RBM47: variants seen among roughly 807,000 people sequenced by gnomAD.
RBM47 encodes the protein RNA binding motif protein 47.
RBM47 carries 21 observed loss-of-function variants against 47.1 expected under a neutral mutation model. The observed-to-expected ratio is 0.45, with a 90% CI of 0.32 to 0.64. RBM47 has a LOEUF of 0.64. RBM47 is among the 30% of genes least tolerant of loss of function. The pLI is 0.05. For synonymous variants in RBM47, 375 were observed against 361.7 expected, an observed-to-expected ratio of 1.04 and a Z score of -0.42; for missense variants, 708 against 870.9, an observed-to-expected ratio of 0.81 and a Z score of 2.35.
At chr4:40,566,136 A>C (rs1210121771) in intron 1 of RBM47, among the ~76,000 whole-genome samples, 1 of 152,162 alleles carries the variant, frequency 6.6e-6, no homozygotes, top group Admixed American at 6.6e-5. Context: ...GGGAGAGCCA[A>C]GAGAAAAGAA....
At chr4:40,624,552 G>A (rs545752127) in intron 1 of RBM47, among the ~76,000 whole-genome samples, 1 of 152,182 alleles carries the variant, frequency 6.6e-6, no homozygotes, top group Non-Finnish European at 1.5e-5. Flanking sequence ...GTCTAAAATA[G>A]TAAGATCATC....
chr4:40,614,347 T>C (rs946496119), intron 1 of RBM47, among the ~76,000 whole-genome samples: 4 of 151,988 alleles, frequency 2.6e-5, no homozygotes, highest in African/African-American at 9.7e-5. Flanking sequence ...AAAACATAAG[T>C]CAAAGCCTAG....
intron 2 of RBM47, among the ~76,000 whole-genome samples, chr4:40,513,549 A>G (rs1232109866): frequency 1.3e-5 from 2 of 152,156 alleles, no homozygotes; most frequent in Non-Finnish European, 2.9e-5. Flanking sequence ...TAGCTTTATT[A>G]TATTTTCTAC....
chr4:40,511,779 A>G (rs1043594192), intron 2 of RBM47, among the ~76,000 whole-genome samples: 7 of 152,112 alleles, frequency 4.6e-5, no homozygotes, highest in African/African-American at 1.7e-4. Flanking sequence ...TACTAAAAAT[A>G]CAAAAATTAG....
At chr4:40,608,907 A>C (rs1037086803) in intron 1 of RBM47, among the ~76,000 whole-genome samples, 1 of 152,176 alleles carries the variant, frequency 6.6e-6, no homozygotes, top group Non-Finnish European at 1.5e-5. Context: ...TCCTGCTGTC[A>C]TTGCTGATTT....
intron 1 of RBM47, among the ~76,000 whole-genome samples, chr4:40,615,807 G>A (rs2154280177): frequency 1.3e-5 from 2 of 152,164 alleles, no homozygotes; most frequent in East Asian, 3.9e-4. Context: ...CTAATTAATT[G>A]TGAAAACTTC....
At chr4:40,610,359 A>G (rs1388850244) in intron 1 of RBM47, among the ~76,000 whole-genome samples, 3 of 151,954 alleles carry the variant, frequency 2.0e-5, no homozygotes, top group African/African-American at 4.8e-5. Context: ...GCGGTGGCTC[A>G]TGCCTGTAAT....
At chr4:40,452,232 G>A (rs748899124) in intron 3 of RBM47, among the ~76,000 whole-genome samples, 6 of 152,094 alleles carry the variant, frequency 3.9e-5, no homozygotes. Context: ...AGCAAAGGTG[G>A]GCATTTGCAA....
intron 1 of RBM47, among the ~76,000 whole-genome samples, chr4:40,556,523 C>T (rs1055870184): frequency 6.6e-6 from 1 of 151,962 alleles, no homozygotes; most frequent in Admixed American, 6.6e-5. Context: ...AAAGTAATTG[C>T]AGTTTTTGCT....
chr4:40,461,390 ATATAG>A (rs1432994956), intron 3 of RBM47, among the ~76,000 whole-genome samples: 1 of 152,372 alleles, frequency 6.6e-6, no homozygotes, highest in East Asian at 1.9e-4. Flanking sequence ...TTCAAGGGAA[ATATAG>A]TATACCAGTC....
intron 1 of RBM47, among the ~76,000 whole-genome samples, chr4:40,547,033 GT>G (rs1280108117): frequency 6.6e-6 from 1 of 152,236 alleles, no homozygotes; most frequent in African/African-American, 2.4e-5. Flanking sequence ...GAGATCAGGT[GT>G]TTGAGCAGGT....
chr4:40,604,146 G>C (rs561858678), intron 1 of RBM47, among the ~76,000 whole-genome samples: 5 of 152,166 alleles, frequency 3.3e-5, no homozygotes, highest in Non-Finnish European at 7.3e-5. Context: ...CCCCAACCTT[G>C]AGACACCTCA....
intron 3 of RBM47, among the ~76,000 whole-genome samples, chr4:40,444,546 C>T (rs1188739736): frequency 6.6e-6 from 1 of 152,124 alleles, no homozygotes; most frequent in Non-Finnish European, 1.5e-5. Context: ...GCTCTGTTGA[C>T]CCCTGGTCTA....
At chr4:40,474,823 A>G (rs1311256635) in intron 2 of RBM47, among the ~76,000 whole-genome samples, 1 of 152,230 alleles carries the variant, frequency 6.6e-6, no homozygotes, top group African/African-American at 2.4e-5. Flanking sequence ...AATAAAAAGT[A>G]TAAGAATATG....
At chr4:40,505,134 T>A (rs1260933840) in intron 2 of RBM47, among the ~76,000 whole-genome samples, 1 of 152,110 alleles carries the variant, frequency 6.6e-6, no homozygotes, top group Non-Finnish European at 1.5e-5. Context: ...GAGGCCACAG[T>A]GGCTGTAATT....
At chr4:40,536,431 A>G (rs1727987703) in intron 2 of RBM47, among the ~76,000 whole-genome samples, 1 of 152,190 alleles carries the variant, frequency 6.6e-6, no homozygotes, top group African/African-American at 2.4e-5. Flanking sequence ...TTAGCTACCA[A>G]TTTCGGCTTC....
intron 5 of RBM47, among the ~76,000 whole-genome samples, chr4:40,435,138 G>C (rs1014002043): frequency 7.2e-5 from 11 of 152,184 alleles, no homozygotes; most frequent in African/African-American, 2.4e-4. Flanking sequence ...TGGAGGTGAA[G>C]GCTAAGTTCA....
At chr4:40,624,221 CAG>C (rs1247036273) in intron 1 of RBM47, among the ~76,000 whole-genome samples, 4 of 152,166 alleles carry the variant, frequency 2.6e-5, no homozygotes, top group South Asian at 2.1e-4. Context: ...AACTGAGTCA[CAG>C]AGTTTTCTTT....
At chr4:40,630,006 C>T (rs1738094194), upstream of RBM47, 1 of 152,456 alleles carries the variant, frequency 6.6e-6, no homozygotes, top group South Asian at 2.1e-4. Flanking sequence ...CCAACACCGG[C>T]AACTTCCCGT....
Sources: gnomAD v4.1 joint callset for allele counts (sites outside exome capture counted in the v4.1 genomes callset) on GRCh38, gnomAD v4.1.1 for gene constraint, MANE v1.5 for transcripts, NCBI Gene and HGNC (gene_info 2026-07-23, HGNC 2026-07-21) for gene names.